Variants in TRIM2 observed in about 807,000 individuals in gnomAD.
The protein encoded by TRIM2 is tripartite motif containing 2.
In TRIM2, 20 loss-of-function variants were observed where a neutral mutation model predicts 75.2. The observed-to-expected ratio is 0.27, with a 90% confidence interval of 0.19 to 0.39. The LOEUF (loss-of-function observed/expected upper bound fraction) is 0.39, where lower values mean the gene tolerates loss of function less well. Ranked by LOEUF, TRIM2 falls within the 10% of genes least tolerant of loss-of-function variation. The pLI, the probability that TRIM2 is intolerant of heterozygous loss-of-function variation, is 1.00. For missense variants in TRIM2, 660 were observed against 990.8 expected, an observed-to-expected ratio of 0.67 and a Z score of 4.48; for synonymous variants, 373 against 388.3, an observed-to-expected ratio of 0.96 and a Z score of 0.46.
intron 1 of TRIM2, among the ~76,000 whole-genome samples, chr4:153,235,391 TCTC>T (rs980541686): frequency 2.0e-5 from 3 of 151,956 alleles, no homozygotes; most frequent in African/African-American, 7.3e-5. Flanking sequence ...CTCAAGGAAT[TCTC>T]CTGCCTCAGC....
intron 1 of TRIM2, among the ~76,000 whole-genome samples, chr4:153,166,513 T>C (rs1473221834): frequency 3.2e-5 from 2 of 63,028 alleles, no homozygotes; most frequent in Admixed American, 1.4e-4. Flanking sequence ...CCCTCTTTTC[T>C]TTTCCTTCCT....
At chr4:153,315,442 A>G in intron 6 of TRIM2, 43 bp from the exon 7 acceptor site, 1 of 1,464,100 alleles carries the variant, frequency 6.8e-7, no homozygotes, top group Non-Finnish European at 9.3e-7. Context: ...GAGAAATCTA[A>G]CCCTTTAGTG....
intron 1 of TRIM2, among the ~76,000 whole-genome samples, chr4:153,214,356 G>GGATTTAA (rs571748235): frequency 6.2e-4 from 94 of 152,248 alleles, no homozygotes; most frequent in African/African-American, 2.2e-3. Flanking sequence ...AGGAGAGCTT[G>GGATTTAA]GATTTAAGAG....
rs565227501 is a variant in TRIM2 at position 153,178,243 on chromosome 4, G to C, written c.-49+24973G>C. Among the ~76,000 whole-genome samples, 20 of 152,124 alleles carry C rather than the reference G, an allele frequency of 1.3e-4. 3 individuals are homozygous for C. Among genetic ancestry groups the C allele is most frequent in the Admixed American group, 9.2e-4 (14 of 15,268 alleles). Reference sequence around the variant, plus strand: ...GTAATGCAGCTCGGTTAGCACAGGGGCTGATGTGCAGGCTGTAGGTTCCGT... The same window carrying C: ...GTAATGCAGCTCGGTTAGCACAGGGCCTGATGTGCAGGCTGTAGGTTCCGT... On this transcript the variant is annotated intron_variant, in intron 1 of 11. Transcript: ENST00000437508.
At chr4:153,310,095 GCT>G (rs1422142035) in intron 6 of TRIM2, 2 of 152,054 alleles carry the variant, frequency 1.3e-5, no homozygotes, top group East Asian at 3.9e-4. Flanking sequence ...TTCATTTTGT[GCT>G]TCATAGGCTA....
chr4:153,296,678 G>A (rs955679279), intron 6 of TRIM2, among the ~76,000 whole-genome samples: 3 of 152,210 alleles, frequency 2.0e-5, no homozygotes, highest in Non-Finnish European at 4.4e-5. Context: ...AGCCAAGAGA[G>A]TTAGGAATGC....
At position 153,244,343 on chromosome 4, in the gene TRIM2, TTCTTCTTCTTCC is replaced by T. The variant is rs1560874092; in HGVS notation, c.31-25980_31-25969del. Among the ~76,000 whole-genome samples the T allele has an allele frequency of 7.3e-3, 233 of 31,800 alleles. 7 individuals are homozygous for T. Among genetic ancestry groups the T allele is most frequent in the African/African-American group, 0.016 (57 of 3,648 alleles). 20.9% of individuals were successfully genotyped at this position (31,800 alleles called of 152,430 possible). Reference sequence around the variant, plus strand: ...CCTCTTCTTCTTCTTCTTCTTCTTCTTCTTCTTCTTCCTCTTCTTCTTCTTCTTCTTCTTCTT... The same window carrying T: ...CCTCTTCTTCTTCTTCTTCTTCTTCTTCTTCTTCTTCTTCTTCTTCTTCTT... On this transcript the variant is annotated intron_variant, in intron 1 of 11. Coordinates refer to ENST00000338700, the MANE Select transcript of TRIM2 (RefSeq NM_015271.5).
intron 1 of TRIM2, among the ~76,000 whole-genome samples, chr4:153,232,206 C>T (rs906692312): frequency 2.6e-5 from 4 of 152,282 alleles, no homozygotes; most frequent in Admixed American, 2.6e-4. Flanking sequence ...TCAACTCTAA[C>T]AGCCACCTTT....
At chr4:153,320,630 TTTG>T (rs1768718010) in intron 8 of TRIM2, among the ~76,000 whole-genome samples, 1 of 152,028 alleles carries the variant, frequency 6.6e-6, no homozygotes, top group African/African-American at 2.4e-5. Flanking sequence ...TCTGAGAGTT[TTTG>T]TTGTTGTTGT....
chr4:153,251,077 A>G (rs562974217), intron 1 of TRIM2, among the ~76,000 whole-genome samples: 10 of 152,320 alleles, frequency 6.6e-5, no homozygotes, highest in African/African-American at 2.4e-4. Flanking sequence ...ACATAACCCC[A>G]ATAGGTTAAG....
chr4:153,335,169 CTT>C lies in TRIM2; in HGVS notation c.*204_*205del. ...TTCACCTTTAGGGTTAAAAAAAACT[CTT>C]CTACTGAATCTATAAAAACTGCAGT... is the stretch of plus-strand genomic sequence containing the variant. On this transcript the variant is annotated 3_prime_UTR_variant, in exon 12 of 12. Coordinates refer to ENST00000338700, the MANE Select transcript of TRIM2 (RefSeq NM_015271.5). 1 of 1,258,740 alleles carries C rather than the reference CTT, an allele frequency of 7.9e-7. No individual in the cohort carries two copies. The highest frequency in any genetic ancestry group is 1.0e-6 in the Non-Finnish European group (1 of 1,000,320). The allele number at this position is 1,258,740 out of a possible 1,614,324, so 78.0% of individuals were successfully genotyped here. A position where few individuals can be genotyped will look rare whatever the true frequency, so the allele number is the denominator to read the frequency against.
intron 1 of TRIM2, among the ~76,000 whole-genome samples, chr4:153,188,857 A>G (rs1220443678): frequency 6.6e-6 from 1 of 152,194 alleles, no homozygotes; most frequent in Non-Finnish European, 1.5e-5. Flanking sequence ...TTACCTTCAG[A>G]AGAAGTTTAA....
At chr4:153,304,898 T>C (rs2150186706) in intron 6 of TRIM2, among the ~76,000 whole-genome samples, 1 of 152,288 alleles carries the variant, frequency 6.6e-6, no homozygotes, top group South Asian at 2.1e-4. Context: ...ACTAAGATAT[T>C]TACTTTCCAG....
intron 6 of TRIM2, 90 bp downstream of exon 6, chr4:153,296,126 C>T (rs1762714831): frequency 6.9e-7 from 1 of 1,444,726 alleles, no homozygotes; most frequent in African/African-American, 1.4e-5. Flanking sequence ...AACACTGCAG[C>T]CCAGAACTCT....
chr4:153,237,364 C>G (rs895256142), intron 1 of TRIM2, among the ~76,000 whole-genome samples: 1 of 124,076 alleles, frequency 8.1e-6, no homozygotes, highest in Non-Finnish European at 1.7e-5. Flanking sequence ...CTCTTAGTTA[C>G]TTAGGAGTGT....
chr4:153,261,651 C>T (rs1340710957), intron 1 of TRIM2, among the ~76,000 whole-genome samples: 1 of 152,178 alleles, frequency 6.6e-6, no homozygotes, highest in Non-Finnish European at 1.5e-5. Context: ...CTACAACAGG[C>T]AAACAAGATT....
At chr4:153,260,696 C>CTCACACACACACA (rs1560902840) in intron 1 of TRIM2, among the ~76,000 whole-genome samples, 2 of 58,010 alleles carry the variant, frequency 3.4e-5, no homozygotes, top group African/African-American at 1.2e-4. Flanking sequence ...ACCCACCCCC[C>CTCACACACACACA]CCCCCACACA....
chr4:153,262,630 C>G, intron 1 of TRIM2, among the ~76,000 whole-genome samples: 1 of 152,124 alleles, frequency 6.6e-6, no homozygotes, highest in Non-Finnish European at 1.5e-5. Flanking sequence ...CGACCTGTGG[C>G]TACATGGCTC....
chr4:153,323,910 A>C (rs1276780425), intron 9 of TRIM2, among the ~76,000 whole-genome samples, 168 bp from the exon 10 acceptor site: 1 of 152,200 alleles, frequency 6.6e-6, no homozygotes, highest in South Asian at 2.1e-4. Flanking sequence ...GATCCATGTT[A>C]TCTGCAACTG....
Sources: gnomAD v4.1 joint callset for allele counts (sites outside exome capture counted in the v4.1 genomes callset) on GRCh38, gnomAD v4.1.1 for gene constraint, MANE v1.5 for transcripts, NCBI Gene and HGNC (gene_info 2026-07-23, HGNC 2026-07-21) for gene names.